The following FBXO38 variants were observed in gnomAD, a reference collection of about 807,000 sequenced individuals.
FBXO38 encodes F-box only protein 38.
FBXO38 carries 53 observed loss-of-function variants against 131.9 expected under a neutral mutation model. That is an observed-to-expected ratio of 0.40 (90% confidence interval 0.32 to 0.51). The LOEUF (loss-of-function observed/expected upper bound fraction) is 0.51, where lower values mean the gene tolerates loss of function less well. Ranked by LOEUF, FBXO38 falls within the 20% of genes least tolerant of loss-of-function variation. The pLI is 0.53. For missense variants in FBXO38, 1,076 were observed against 1,475.6 expected, an observed-to-expected ratio of 0.73 and a Z score of 4.44; for synonymous variants, 452 against 505.6, an observed-to-expected ratio of 0.89 and a Z score of 1.42.
At position 148,410,617 on chromosome 5, in the gene FBXO38, C is replaced by G; in HGVS notation, c.963-18C>G. 1.9e-6 allele frequency: 3 copies of G among 1,613,500 alleles called. No homozygotes were observed. The highest frequency in any genetic ancestry group is 1.7e-6 in the Non-Finnish European group (2 of 1,179,772). On this transcript the variant is annotated intron_variant, in intron 8 of 21. Coordinates refer to ENST00000340253, the MANE Select transcript of FBXO38 (RefSeq NM_205836.3). ...GGTTTTTGTTTTACTCTGATATGTT[C>G]TCTGTCTTTATTCACAGGTTACATG...
intron 1 of FBXO38, among the ~76,000 whole-genome samples, chr5:148,387,912 G>A (rs1414229452): frequency 3.3e-5 from 5 of 151,890 alleles, no homozygotes; most frequent in African/African-American, 4.8e-5. Context: ...GACTGGTCTC[G>A]AGCTCCTGAC....
rs1754708562 is a variant in FBXO38 at position 148,441,956 on chromosome 5, T to C, written c.3389-13T>C. ...TATCATATGTATCTCTCCTTTTATT[T>C]CTAATTTCAAAGGCACTATCTATGC... On this transcript the variant is annotated splice_polypyrimidine_tract_variant and intron_variant, in intron 21 of 21. Coordinates refer to ENST00000340253, the MANE Select transcript of FBXO38 (RefSeq NM_205836.3). 6.2e-7 allele frequency: 1 copy of C among 1,600,834 alleles called. No individual in the cohort carries two copies. Among genetic ancestry groups the C allele is most frequent in the Non-Finnish European group, 8.5e-7 (1 of 1,174,286 alleles).
rs751540446 is a variant in FBXO38 at position 148,404,836 on chromosome 5, A to G, written c.730+14A>G. 2 of 1,578,504 alleles carry G rather than the reference A, an allele frequency of 1.3e-6. No individual in the cohort carries two copies. The highest frequency in any genetic ancestry group is 1.2e-5 in the South Asian group (1 of 82,476). Reference sequence around the variant, plus strand: ...GGAACTGTGCAGGTAATGGTACACAATTATGGTGGAATTAAACATAAGTTA... The same window carrying G: ...GGAACTGTGCAGGTAATGGTACACAGTTATGGTGGAATTAAACATAAGTTA... On this transcript the variant is annotated intron_variant, in intron 6 of 21. Transcript: ENST00000340253.
intron 12 of FBXO38, chr5:148,423,716 T>C (rs1038311613): frequency 2.4e-5 from 5 of 212,410 alleles, no homozygotes; most frequent in African/African-American, 2.3e-5. Context: ...CTTAATCATA[T>C]TTTGCCTTGT....
intron 21 of FBXO38, 93 bp downstream of exon 21, chr5:148,441,330 C>A: frequency 1.1e-6 from 1 of 893,442 alleles, no homozygotes; most frequent in Non-Finnish European, 1.8e-6. Flanking sequence ...AGGAGCAGTG[C>A]AGTGTTAAAT....
At chr5:148,410,463 G>A in intron 8 of FBXO38, 172 bp from the exon 9 acceptor site, 1 of 719,632 alleles carries the variant, frequency 1.4e-6, no homozygotes, top group South Asian at 2.0e-5. Flanking sequence ...ATGTTCGTGA[G>A]GCCTCCCCAG....
chr5:148,406,578 C>T (rs1254460648), intron 7 of FBXO38, among the ~76,000 whole-genome samples, 184 bp downstream of exon 7: 1 of 152,058 alleles, frequency 6.6e-6, no homozygotes, highest in Non-Finnish European at 1.5e-5. Context: ...TCTTTTGGTG[C>T]ACATTAAACT....
Position 148,402,125 on chromosome 5 carries a change from C to T in FBXO38, c.406C>T (p.Gln136Ter). The change falls in exon 4 of 22, where the codon CAG becomes TAG. Residue 136 changes from glutamine (Q) to a stop codon, truncating the protein, a stop_gained. Coordinates refer to ENST00000340253, the MANE Select transcript of FBXO38 (RefSeq NM_205836.3). LOFTEE classifies it high-confidence loss of function. ...CATTCCAGGAGTCCTAGAAGCTTTG[C>T]AGGCATGCCCAAACTTAGTGGTGAG... is the stretch of plus-strand genomic sequence containing the variant. ...FSIPGVLEAL[Q>*]ACPNLVGVET... 6.2e-7 allele frequency: 1 copy of T among 1,612,222 alleles called. No homozygotes were observed. Among genetic ancestry groups the T allele is most frequent in the African/African-American group, 1.3e-5 (1 of 74,956 alleles).
At chr5:148,389,871 A>T (rs750278923) in intron 1 of FBXO38, 3 of 152,258 alleles carry the variant, frequency 2.0e-5, no homozygotes, top group Non-Finnish European at 2.9e-5. Context: ...TCTACTAAAA[A>T]TACAAAAATT....
intron 1 of FBXO38, among the ~76,000 whole-genome samples, chr5:148,386,224 G>A (rs1581211453): frequency 1.3e-5 from 2 of 152,116 alleles, no homozygotes; most frequent in African/African-American, 4.8e-5. Flanking sequence ...AAGCACTAGG[G>A]CATTGCTCTG....
chr5:148,422,301 G>T (rs1456049703), intron 12 of FBXO38, among the ~76,000 whole-genome samples: 1 of 152,058 alleles, frequency 6.6e-6, no homozygotes, highest in Non-Finnish European at 1.5e-5. Flanking sequence ...CATCATTCTT[G>T]AACATGACAG....
chr5:148,410,764 G>A lies in FBXO38; in HGVS notation c.1092G>A (p.Gln364=). The A allele has an allele frequency of 6.2e-7, 1 of 1,602,078 alleles. No homozygotes were observed. The highest frequency in any genetic ancestry group is 8.5e-7 in the Non-Finnish European group (1 of 1,176,820). Residue 364 remains glutamine (Q), a splice_region_variant and synonymous_variant, in exon 9 of 22, where the codon CAG becomes CAA. Transcript: ENST00000340253. The part of the protein sequence containing the change: ...HLGYVDEFLL[Q]SRMANADLVK... ...GATATGTAGATGAGTTTTTGCTACA[G>A]AGTAAGATTTATCCCATTTTAATTC... is the stretch of plus-strand genomic sequence containing the variant.
At chr5:148,388,085 T>G (rs994974959) in intron 1 of FBXO38, among the ~76,000 whole-genome samples, 1 of 152,208 alleles carries the variant, frequency 6.6e-6, no homozygotes, top group Non-Finnish European at 1.5e-5. Flanking sequence ...TTAGCAGGCA[T>G]GGAAACAATA....
chr5:148,418,415 T>G (rs1392688623), intron 12 of FBXO38, among the ~76,000 whole-genome samples: 1 of 152,224 alleles, frequency 6.6e-6, no homozygotes, highest in Non-Finnish European at 1.5e-5. Flanking sequence ...CAGCCTTAAC[T>G]TGTATACTTT....
At chr5:148,429,332 A>ATTTTTT (rs34170712) in intron 15 of FBXO38, among the ~76,000 whole-genome samples, 1 of 147,524 alleles carries the variant, frequency 6.8e-6, no homozygotes, top group Non-Finnish European at 1.5e-5. Context: ...GTGGGAGCTA[A>ATTTTTT]TTTTTTTTTT....
chr5:148,438,268 C>A, intron 17 of FBXO38, 64 bp from the exon 18 acceptor site: 1 of 1,498,612 alleles, frequency 6.7e-7, no homozygotes, highest in South Asian at 1.2e-5. Flanking sequence ...TTTGTGCCAA[C>A]AAAAATTAGG....
intron 2 of FBXO38, among the ~76,000 whole-genome samples, chr5:148,395,891 C>G (rs543367809): frequency 6.6e-6 from 1 of 151,888 alleles, no homozygotes; most frequent in African/African-American, 2.4e-5. Context: ...ATTATGGTTG[C>G]AATAAACTTC....
At chr5:148,395,650 A>G (rs1477334918) in intron 2 of FBXO38, among the ~76,000 whole-genome samples, 2 of 152,180 alleles carry the variant, frequency 1.3e-5, no homozygotes, top group African/African-American at 4.8e-5. Context: ...AATGATAGAC[A>G]TAATAGCAAT....
At chr5:148,433,313 T>C in intron 15 of FBXO38, 111 bp from the exon 16 acceptor site, 1 of 723,188 alleles carries the variant, frequency 1.4e-6, no homozygotes, top group Non-Finnish European at 2.4e-6. Flanking sequence ...GGGAACCAAA[T>C]TGTAGATTTG....
Sources: allele counts gnomAD v4.1 joint callset (sites outside exome capture counted in the v4.1 genomes callset), GRCh38; gene constraint gnomAD v4.1.1; transcripts MANE v1.5; gene names NCBI Gene and HGNC (gene_info 2026-07-23, HGNC 2026-07-21).